The following GADL1 variants were observed in gnomAD, a reference collection of about 807,000 sequenced individuals.
GADL1 encodes the protein GAD like acidic amino acid decarboxylase 1, also known as acidic amino acid decarboxylase GADL1.
A neutral mutation model predicts 69.5 loss-of-function variants in GADL1; 71 were observed. The observed-to-expected ratio is 1.02, with a 90% confidence interval of 0.84 to 1.25. The LOEUF (loss-of-function observed/expected upper bound fraction) is 1.25. Ranked by LOEUF, GADL1 falls within the 50% of genes most tolerant of loss-of-function variation. GADL1 has a pLI of 0.00. For synonymous variants in GADL1, 254 were observed against 214.4 expected, an observed-to-expected ratio of 1.18 and a Z score of -1.62; for missense variants, 737 against 631.8, an observed-to-expected ratio of 1.17 and a Z score of -1.79.
intron 1 of GADL1, among the ~76,000 whole-genome samples, chr3:30,865,615 A>G (rs534955200): frequency 8.5e-4 from 130 of 152,148 alleles, no homozygotes; most frequent in South Asian, 2.1e-3. Flanking sequence ...ATAGACATAG[A>G]ACACAGTTAA....
At chr3:30,862,718 G>A (rs1054476883) in intron 1 of GADL1, among the ~76,000 whole-genome samples, 1 of 151,972 alleles carries the variant, frequency 6.6e-6, no homozygotes, top group Non-Finnish European at 1.5e-5. Flanking sequence ...CTTCAACAAA[G>A]TGAATATTGA....
intron 1 of GADL1, among the ~76,000 whole-genome samples, chr3:30,876,201 A>G (rs1414490592): frequency 6.6e-6 from 1 of 152,076 alleles, no homozygotes; most frequent in Non-Finnish European, 1.5e-5. Context: ...AAATGAGGAT[A>G]TTAAATCTGA....
chr3:30,857,521 G>T (rs1320496376), intron 2 of GADL1, among the ~76,000 whole-genome samples: 1 of 151,906 alleles, frequency 6.6e-6, no homozygotes, highest in African/African-American at 2.4e-5. Flanking sequence ...AAGTACATTT[G>T]GTATGGCTTG....
rs761093311 is a variant in GADL1 at position 30,844,376 on chromosome 3, G to A, written c.731+11C>T. 6.2e-7 allele frequency: 1 copy of A among 1,606,330 alleles called. No homozygotes were observed. The highest frequency in any genetic ancestry group is 2.2e-5 in the East Asian group (1 of 44,828). ...TCCACCCACCAGGCTTCCAGATCCT[G>A]TTCCCATTACCTTCCATCTGTTTCC... On this transcript the variant is annotated intron_variant, in intron 7 of 14. Coordinates refer to ENST00000282538, the MANE Select transcript of GADL1 (RefSeq NM_207359.3).
chr3:30,743,990 C>T (rs968751410), intron 14 of GADL1, among the ~76,000 whole-genome samples: 2 of 152,144 alleles, frequency 1.3e-5, no homozygotes, highest in Non-Finnish European at 2.9e-5. Flanking sequence ...CAGAGCAGAG[C>T]TGTGACTGAC....
intron 11 of GADL1, 151 bp downstream of exon 11, chr3:30,833,702 G>A: frequency 1.7e-6 from 1 of 604,510 alleles, no homozygotes; most frequent in South Asian, 2.1e-5. Context: ...AGGCTTATTT[G>A]TCTTTCATGT....
intron 4 of GADL1, among the ~76,000 whole-genome samples, chr3:30,852,171 TTATC>T (rs1315805694): frequency 1.3e-5 from 2 of 152,164 alleles, no homozygotes; most frequent in African/African-American, 4.8e-5. Flanking sequence ...CACCTACTAT[TTATC>T]ACCTACATAT....
At chr3:30,741,022 A>T (rs1451484620) in intron 14 of GADL1, among the ~76,000 whole-genome samples, 4 of 82,202 alleles carry the variant, frequency 4.9e-5, no homozygotes, top group African/African-American at 1.2e-4. Context: ...ATATTATATA[A>T]TATATTATAT....
intron 7 of GADL1, 44 bp downstream of exon 7, chr3:30,844,343 C>T (rs370829331): frequency 9.1e-5 from 143 of 1,568,612 alleles, no homozygotes; most frequent in Non-Finnish European, 1.2e-4. Flanking sequence ...ACCATATAAA[C>T]TTTTCCCTCC....
intron 14 of GADL1, among the ~76,000 whole-genome samples, chr3:30,763,646 AT>A (rs2125487097): frequency 6.6e-6 from 1 of 152,304 alleles, no homozygotes; most frequent in South Asian, 2.1e-4. Flanking sequence ...GAGGAAGCCT[AT>A]TTTATAATAG....
chr3:30,868,030 AC>A (rs1698428871), intron 1 of GADL1, among the ~76,000 whole-genome samples: 2 of 152,158 alleles, frequency 1.3e-5, no homozygotes, highest in Admixed American at 1.3e-4. Flanking sequence ...TTCTGAAGTA[AC>A]AACTTCATTG....
intron 14 of GADL1, among the ~76,000 whole-genome samples, chr3:30,744,714 C>T (rs1695674435): frequency 6.6e-6 from 1 of 151,938 alleles, no homozygotes; most frequent in African/African-American, 2.4e-5. Flanking sequence ...ACACTGTCTC[C>T]AAAAAGAAAA....
chr3:30,840,854 A>G (rs9310952), intron 8 of GADL1, among the ~76,000 whole-genome samples: 33,129 of 152,268 alleles, frequency 0.22, 3,949 homozygotes, highest in Admixed American at 0.36. Context: ...GCATGCTGCC[A>G]GTGAGCTGTA....
chr3:30,755,289 A>G (rs531553419), intron 14 of GADL1, among the ~76,000 whole-genome samples: 1 of 125,764 alleles, frequency 8.0e-6, no homozygotes, highest in Non-Finnish European at 1.7e-5. Context: ...AGCTTGATTT[A>G]TTAACCTGGA....
intron 3 of GADL1, 38 bp from the exon 4 acceptor site, chr3:30,854,827 T>TAAAAA: frequency 1.1e-6 from 1 of 870,170 alleles, no homozygotes; most frequent in Non-Finnish European, 1.7e-6. Flanking sequence ...TATGCAGCAA[T>TAAAAA]AAAAAAAAAA....
intron 11 of GADL1, among the ~76,000 whole-genome samples, chr3:30,811,873 T>C (rs1006521355): frequency 6.6e-6 from 1 of 152,180 alleles, no homozygotes; most frequent in African/African-American, 2.4e-5. Flanking sequence ...CAGTGTGAAG[T>C]AAGGGCAGTG....
rs1202136164 is a variant in GADL1 at position 30,844,395 on chromosome 3, T to G, written c.723A>C (p.Thr241=). Residue 241 remains threonine (T), a synonymous_variant, in exon 7 of 15, where the codon ACA becomes ACC. Transcript: ENST00000282538. ...IGTENVCFVE[T]DGRGKMIPEE... is the part of the protein sequence containing the mutation. ...GATCCTGTTCCCATTACCTTCCATCTGTTTCCACAAAGCAAACATTCTCAG... is the reference window on the plus strand; with the variant it reads ...GATCCTGTTCCCATTACCTTCCATCGGTTTCCACAAAGCAAACATTCTCAG... 2 of 1,612,454 alleles carry G rather than the reference T, an allele frequency of 1.2e-6. No individual in the cohort carries two copies. The highest frequency in any genetic ancestry group is 2.7e-5 in the African/African-American group (2 of 74,912).
chr3:30,763,310 AAC>A (rs1025535407), intron 14 of GADL1, among the ~76,000 whole-genome samples: 4 of 152,026 alleles, frequency 2.6e-5, no homozygotes, highest in African/African-American at 9.7e-5. Flanking sequence ...CATCCTGGCT[AAC>A]ACGGTGAAAC....
chr3:30,731,232 G>A (rs532325197), intron 14 of GADL1, among the ~76,000 whole-genome samples: 46 of 152,200 alleles, frequency 3.0e-4, no homozygotes, highest in Admixed American at 1.2e-3. Flanking sequence ...CCTCTCCTTC[G>A]TCCTCCAGGT....
Sources: gnomAD v4.1 joint callset for allele counts (sites outside exome capture counted in the v4.1 genomes callset) on GRCh38, gnomAD v4.1.1 for gene constraint, MANE v1.5 for transcripts, NCBI Gene and HGNC (gene_info 2026-07-23, HGNC 2026-07-21) for gene names.